Variants in QSOX1 observed in about 807,000 individuals in gnomAD.
QSOX1 encodes quiescin sulfhydryl oxidase 1.
In QSOX1, 40 loss-of-function variants were observed where a neutral mutation model predicts 76.1. The ratio of observed to expected loss-of-function variants is 0.53; its 90% CI spans 0.41 to 0.68. QSOX1 has a LOEUF of 0.68. QSOX1 is among the 30% of genes least tolerant of loss of function. QSOX1 has a pLI of 0.00. For synonymous variants in QSOX1, 392 were observed against 413.1 expected (o/e 0.95, Z 0.62); for missense variants, 931 against 974.3 (o/e 0.96, Z 0.59).
At chr1:180,184,235 G>A (rs531455183) in intron 7 of QSOX1, among the ~76,000 whole-genome samples, 185 bp downstream of exon 7, 8 of 152,294 alleles carry the variant, frequency 5.3e-5, no homozygotes, top group South Asian at 2.1e-4. Context: ...GTGTGGGAGC[G>A]GCATTTAGCT....
intron 1 of QSOX1, among the ~76,000 whole-genome samples, chr1:180,155,765 C>G (rs1662363392): frequency 1.3e-5 from 2 of 152,214 alleles, no homozygotes; most frequent in African/African-American, 2.4e-5. Flanking sequence ...TATCTCTGTT[C>G]CGGGCCTCTC....
At chr1:180,183,779 C>T in intron 6 of QSOX1, 137 bp from the exon 7 acceptor site, 2 of 1,030,258 alleles carry the variant, frequency 1.9e-6, no homozygotes, top group Non-Finnish European at 2.8e-6. Flanking sequence ...TCACAGAGGA[C>T]AAGATGGAAT....
rs112165407 is a variant in QSOX1 at position 180,174,999 on chromosome 1, C to CA, written c.367-314dup. Among the ~76,000 whole-genome samples, 3 of 151,590 alleles carry CA rather than the reference C, an allele frequency of 2.0e-5. No homozygotes were observed. The East Asian group carries it at 5.8e-4, about 30-fold the overall frequency. On this transcript the variant is annotated intron_variant, in intron 2 of 11. Coordinates refer to ENST00000367602, the MANE Select transcript of QSOX1 (RefSeq NM_002826.5). ...ACCCCATCTCTACTAAAAATACACA[C>CA]AAAAAAAATTAGTCGAGTGTGGTGG...
intron 2 of QSOX1, among the ~76,000 whole-genome samples, chr1:180,169,857 C>G (rs1309277822): frequency 2.0e-5 from 3 of 152,236 alleles, no homozygotes; most frequent in Admixed American, 1.3e-4. Context: ...CCAGGGTATG[C>G]CACAGGAGTT....
chr1:180,180,645 G>T (rs1663007426), intron 5 of QSOX1, among the ~76,000 whole-genome samples: 1 of 152,226 alleles, frequency 6.6e-6, no homozygotes, highest in Admixed American at 6.5e-5. Context: ...CTCCTGAGTA[G>T]CTGGGACTAC....
At chr1:180,188,313 C>CGGCCTCTCCCAGCCTGTGCTCCCTCCT (rs1371412614) in intron 8 of QSOX1, among the ~76,000 whole-genome samples, 5 of 152,228 alleles carry the variant, frequency 3.3e-5, no homozygotes, top group Admixed American at 3.3e-4. Flanking sequence ...CCTTCCCACC[C>CGGCCTCTCCCAGCCTGTGCTCCCTCCT]GGCCTCTCCC....
intron 2 of QSOX1, among the ~76,000 whole-genome samples, chr1:180,171,975 C>G (rs1662768824): frequency 6.6e-6 from 1 of 152,136 alleles, no homozygotes; most frequent in South Asian, 2.1e-4. Flanking sequence ...ACTGGAGTGG[C>G]TGAAGAGAAG....
intron 1 of QSOX1, among the ~76,000 whole-genome samples, chr1:180,159,942 G>A (rs369002896): frequency 1.3e-5 from 2 of 152,162 alleles, no homozygotes; most frequent in Admixed American, 6.5e-5. Flanking sequence ...AGTAATCATC[G>A]TTTTGGGTTT....
In QSOX1 at chr1:180,190,580, G is replaced by A. The variant is rs751544930; in HGVS notation, c.1288G>A (p.Ala430Thr). 6.2e-7 allele frequency: 1 copy of A among 1,612,952 alleles called. No individual in the cohort carries two copies. The highest frequency in any genetic ancestry group is 8.5e-7 in the Non-Finnish European group (1 of 1,179,370). Reference sequence around the variant, plus strand: ...AAATGTAGACCACTCACAGGAAGCAGGTACGTCCAGGACCCGTTCACCCCA... The same window carrying A: ...AAATGTAGACCACTCACAGGAAGCAAGTACGTCCAGGACCCGTTCACCCCA... ...RQNVDHSQEA[A>T]KAKEVLPAIR... The change falls in exon 10 of 12, where the codon GCC becomes ACC. Residue 430 changes from alanine to threonine, a missense_variant and splice_region_variant. By Grantham distance (58) the Ala-to-Thr change is moderately conservative. Transcript: ENST00000367602.
In QSOX1 at chr1:180,183,121, T is replaced by C. The variant is rs3767180; in HGVS notation, c.753-795T>C. Among the ~76,000 whole-genome samples the C allele has an allele frequency of 2.3e-3, 347 of 152,078 alleles. 11 individuals are homozygous for C. The East Asian group carries it at 0.063, about 28-fold the overall frequency. On this transcript the variant is annotated intron_variant, in intron 6 of 11. Transcript: ENST00000367602. ...TGGGGAGAGAAGGCATTGTCTCCTC[T>C]CTCCGAGTTGGTGGAGGGGAAAATT...
At chr1:180,188,599 C>G (rs1481747990) in intron 8 of QSOX1, among the ~76,000 whole-genome samples, 1 of 152,242 alleles carries the variant, frequency 6.6e-6, no homozygotes, top group African/African-American at 2.4e-5. Context: ...GGCCATTTCT[C>G]ACTCTGGGGG....
rs6704314 is a variant in QSOX1, at chr1:180,202,119, T to C, written c.*5082T>C. 0.79 allele frequency: 120,051 copies of C among 152,186 alleles called. 47,719 individuals carry two copies. Among genetic ancestry groups the C allele is most frequent in the African/African-American group, 0.83 (34,431 of 41,494 alleles). The allele number at this position is 152,186 out of a possible 1,614,324, so 9.4% of individuals were successfully genotyped here. A position where few individuals can be genotyped will look rare whatever the true frequency, so the allele number is the denominator to read the frequency against. ...AATCACAAGGCAGAGGAGGAGACCT[T>C]TGCCAATGTGAGAGAACAAAGTTAA... On this transcript the variant is annotated 3_prime_UTR_variant, in exon 12 of 12. Coordinates refer to ENST00000367602, the MANE Select transcript of QSOX1 (RefSeq NM_002826.5).
chr1:180,156,018 A>C (rs911603606), intron 1 of QSOX1, among the ~76,000 whole-genome samples: 2 of 152,238 alleles, frequency 1.3e-5, no homozygotes, highest in Admixed American at 6.5e-5. Flanking sequence ...ATAGGAAAAA[A>C]CCACTACATG....
At position 180,203,526 on chromosome 1, in the gene QSOX1, T is replaced by C. The variant is rs1439668059; in HGVS notation, c.*6489T>C. The stretch of plus-strand genomic sequence containing the variant: ...TTCACTTAAATATGTTTTCGAATGT[T>C]TGTAATAAAATATTTCTTTTGGAAG... On this transcript the variant is annotated 3_prime_UTR_variant, in exon 12 of 12. Transcript: ENST00000367602. The C allele has an allele frequency of 6.6e-6, 1 of 152,202 alleles. No homozygotes were observed. The highest frequency in any genetic ancestry group is 1.5e-5 in the Non-Finnish European group (1 of 68,042). The allele number at this position is 152,202 out of a possible 1,614,324, so 9.4% of individuals were successfully genotyped here.
At chr1:180,177,285 C>T in intron 4 of QSOX1, among the ~76,000 whole-genome samples, 1 of 146,078 alleles carries the variant, frequency 6.8e-6, no homozygotes, top group South Asian at 2.1e-4. Context: ...CAGAATCTCG[C>T]TCTGTTGCCC....
chr1:180,195,767 G>A (rs556330666), intron 11 of QSOX1, among the ~76,000 whole-genome samples: 3 of 152,342 alleles, frequency 2.0e-5, no homozygotes, highest in African/African-American at 4.8e-5. Flanking sequence ...GCTTGAAAAC[G>A]CATTTTCCCT....
chr1:180,162,305 A>G (rs986302414), intron 1 of QSOX1, among the ~76,000 whole-genome samples: 2 of 152,240 alleles, frequency 1.3e-5, no homozygotes, highest in Admixed American at 6.5e-5. Flanking sequence ...TAACTAGTTT[A>G]GTATCTCCCC....
rs1202743887 is a variant in QSOX1 at position 180,172,847 on chromosome 1, T to C, written c.367-2474T>C. On this transcript the variant is annotated intron_variant, in intron 2 of 11. Coordinates refer to ENST00000367602, the MANE Select transcript of QSOX1 (RefSeq NM_002826.5). ...AGAGGCTGCCTTTTGGTAGAAGTAA[T>C]GCAAGCCTCTTTTAATATGGGCACC... Among the ~76,000 whole-genome samples the C allele has an allele frequency of 2.6e-5, 4 of 151,952 alleles. No homozygotes were observed. In the South Asian group the frequency reaches 8.3e-4, roughly 31 times the overall value.
chr1:180,157,494 G>A (rs1662400002), intron 1 of QSOX1, among the ~76,000 whole-genome samples: 1 of 152,200 alleles, frequency 6.6e-6, no homozygotes, highest in Non-Finnish European at 1.5e-5. Context: ...GCTCTCTGCT[G>A]AGGACACCTG....
Sources: allele counts gnomAD v4.1 joint callset (sites outside exome capture counted in the v4.1 genomes callset), GRCh38; gene constraint gnomAD v4.1.1; transcripts MANE v1.5; gene names NCBI Gene and HGNC (gene_info 2026-07-23, HGNC 2026-07-21).